Variants in PYGB observed in about 807,000 individuals in gnomAD.
The protein encoded by PYGB is glycogen phosphorylase, brain form.
PYGB carries 82 observed loss-of-function variants against 94.3 expected under a neutral mutation model. The ratio of observed to expected loss-of-function variants is 0.87; its 90% confidence interval spans 0.73 to 1.04. The LOEUF is 1.04. Among genes scored for constraint, PYGB ranks in the 50% least tolerant of loss-of-function variants. PYGB has a pLI of 0.00. For synonymous variants in PYGB, 488 were observed against 479.1 expected, an observed-to-expected ratio of 1.02 and a Z score of -0.24; for missense variants, 1,132 against 1,158.2, an observed-to-expected ratio of 0.98 and a Z score of 0.33.
chr20:25,270,292 C>T (rs553183240), intron 3 of PYGB, among the ~76,000 whole-genome samples: 30 of 150,290 alleles, frequency 2.0e-4, no homozygotes, highest in African/African-American at 7.4e-4. Context: ...AGCTCCGCCT[C>T]CCGGTTTCAC....
At chr20:25,255,795 G>A (rs1170265537) in intron 1 of PYGB, among the ~76,000 whole-genome samples, 4 of 151,550 alleles carry the variant, frequency 2.6e-5, no homozygotes, top group African/African-American at 4.9e-5. Context: ...GTGCAGTGGC[G>A]CGATCTCTAC....
intron 19 of PYGB, among the ~76,000 whole-genome samples, chr20:25,295,876 C>T (rs1196528382): frequency 1.3e-5 from 2 of 152,224 alleles, no homozygotes; most frequent in African/African-American, 4.8e-5. Flanking sequence ...AAAAACAGCT[C>T]CTAATGGCCA....
Position 25,294,233 on chromosome 20 carries a change from T to G in PYGB, c.2253T>G (p.Phe751Leu), listed in dbSNP as rs775612731. The G allele has an allele frequency of 1.9e-6, 3 of 1,610,376 alleles. No individual in the cohort carries two copies. The South Asian group carries it at 3.3e-5, about 18-fold the overall frequency. Residue 751 changes from phenylalanine to leucine, a missense_variant, in exon 18 of 20, where the codon TTT (phenylalanine) becomes TTG (leucine). Physicochemically the swap from Phe to Leu is conservative, Grantham distance 22. Transcript: ENST00000216962. ...QAVDQISSGF[F>L]SPKEPDCFKD... is the part of the protein sequence containing the mutation. ...TGGACCAGATCAGCAGTGGCTTTTT[T>G]TCTCCCAAGGAGCCAGACTGCTTCA... is the stretch of plus-strand genomic sequence containing the variant.
In PYGB at chr20:25,288,447, G is replaced by A. The variant is rs754020773; in HGVS notation, c.1791G>A (p.Lys597=). 6.2e-7 allele frequency: 1 copy of A among 1,614,080 alleles called. No individual in the cohort carries two copies. Residue 597 remains lysine (K), a synonymous_variant, in exon 15 of 20, where the codon AAG becomes AAA. Coordinates refer to ENST00000216962, the MANE Select transcript of PYGB (RefSeq NM_002862.4). The stretch of plus-strand genomic sequence containing the variant: ...CAGGAATCAAGAGAGACCCGGCCAA[G>A]GCTTTTGTGCCCAGGACTGTTATGA... ...LYNRIKRDPA[K]AFVPRTVMIG...
chr20:25,271,360 T>TG, intron 3 of PYGB, 23 bp from the exon 4 acceptor site: 1 of 1,610,434 alleles, frequency 6.2e-7, no homozygotes, highest in Non-Finnish European at 8.5e-7. Flanking sequence ...TGATTCTGAC[T>TG]GATTTGTGAT....
chr20:25,260,706 G>A (rs1343695575), intron 2 of PYGB, among the ~76,000 whole-genome samples: 1 of 152,224 alleles, frequency 6.6e-6, no homozygotes, highest in Non-Finnish European at 1.5e-5. Flanking sequence ...AAGCACAAGG[G>A]ATCAGGGAAT....
At chr20:25,292,694 G>A in intron 17 of PYGB, 81 bp downstream of exon 17, 2 of 1,482,844 alleles carry the variant, frequency 1.3e-6, no homozygotes, top group South Asian at 2.6e-5. Flanking sequence ...TGGCTGGACT[G>A]GGCTCTTGGG....
intron 2 of PYGB, among the ~76,000 whole-genome samples, chr20:25,260,824 A>C (rs538358366): frequency 4.6e-5 from 7 of 152,358 alleles, no homozygotes; most frequent in African/African-American, 1.7e-4. Flanking sequence ...GCACACGAGG[A>C]AATTATATCC....
At chr20:25,292,714 C>A in intron 17 of PYGB, 101 bp downstream of exon 17, 1 of 1,416,188 alleles carries the variant, frequency 7.1e-7, no homozygotes, top group Admixed American at 2.1e-5. Context: ...GGCCAGGCCA[C>A]TGTGTGCTAG....
chr20:25,248,390 C>T lies in PYGB; in HGVS notation c.212C>T (p.Thr71Met), dbSNP rs780011017. 12 of 1,581,614 alleles carry T rather than the reference C, an allele frequency of 7.6e-6. No homozygotes were observed. The highest frequency in any genetic ancestry group is 9.4e-6 in the Non-Finnish European group (11 of 1,165,456). ...RDHLVGRWIRTQQHYYERDPK... is the reference protein window; with the variant it reads ...RDHLVGRWIRMQQHYYERDPK... Reference sequence around the variant, plus strand: ...CACCTCGTGGGCCGCTGGATCCGCACGCAGCAGCACTACTACGAGCGCGAC... The same window carrying T: ...CACCTCGTGGGCCGCTGGATCCGCATGCAGCAGCACTACTACGAGCGCGAC... The change falls in exon 1 of 20, where the codon ACG (threonine) becomes ATG (methionine). Residue 71 changes from threonine (T) to methionine (M), a missense_variant. By Grantham distance (81) the Thr-to-Met change is moderately conservative. Transcript: ENST00000216962.
At position 25,294,230 on chromosome 20, in the gene PYGB, T is replaced by A. The variant is rs139211183; in HGVS notation, c.2250T>A (p.Phe750Leu). 3.7e-5 allele frequency: 60 copies of A among 1,613,688 alleles called. No individual in the cohort carries two copies. The highest frequency in any genetic ancestry group is 4.8e-5 in the Non-Finnish European group (57 of 1,179,930). ...CCGTGGACCAGATCAGCAGTGGCTT[T>A]TTTTCTCCCAAGGAGCCAGACTGCT... is the stretch of plus-strand genomic sequence containing the variant. Reference protein sequence around the residue: ...KQAVDQISSGFFSPKEPDCFK... With the variant: ...KQAVDQISSGLFSPKEPDCFK... The change falls in exon 18 of 20, where the codon TTT becomes TTA. Residue 750 changes from phenylalanine (F) to leucine (L), a missense_variant. By Grantham distance (22) the Phe-to-Leu change is conservative. Transcript: ENST00000216962.
At chr20:25,275,234 G>A (rs536722042) in intron 5 of PYGB, among the ~76,000 whole-genome samples, 57 of 152,362 alleles carry the variant, frequency 3.7e-4, no homozygotes, top group African/African-American at 1.2e-3. Context: ...GGTGACATCC[G>A]GGGATGGGGC....
chr20:25,283,992 C>G (rs1360121763), intron 13 of PYGB, 112 bp from the exon 14 acceptor site: 8 of 1,333,340 alleles, frequency 6.0e-6, no homozygotes, highest in Non-Finnish European at 5.2e-6. Flanking sequence ...CCTGTATACC[C>G]CTGCCCCCTC....
In PYGB at chr20:25,248,105, G is replaced by C. The variant is rs2092875554; in HGVS notation, c.-74G>C. 6.9e-7 allele frequency: 1 copy of C among 1,441,532 alleles called. No individual in the cohort carries two copies. The highest frequency in any genetic ancestry group is 2.9e-5 in the East Asian group (1 of 34,850). The allele number at this position is 1,441,532 out of a possible 1,614,324, so 89.3% of individuals were successfully genotyped here. On this transcript the variant is annotated 5_prime_UTR_variant, in exon 1 of 20. Coordinates refer to ENST00000216962, the MANE Select transcript of PYGB (RefSeq NM_002862.4). ...GCGCCAGAGCAGCGGCGCCAGAGCA[G>C]CTGCACCATCCCGGCGTTCGCGTGT...
In PYGB at chr20:25,281,660, G is replaced by A. The variant is rs540844239; in HGVS notation, c.1404-373G>A. Among the ~76,000 whole-genome samples the A allele has an allele frequency of 2.0e-4, 30 of 152,220 alleles. No individual in the cohort carries two copies. The East Asian group carries it at 4.1e-3, about 21-fold the overall frequency. On this transcript the variant is annotated intron_variant, in intron 11 of 19. Coordinates refer to ENST00000216962, the MANE Select transcript of PYGB (RefSeq NM_002862.4). Reference sequence around the variant, plus strand: ...TGGCGCCCGCAGCAAGCTTCGTGTCGGGCCCCTCCCCAGTAGCTATGAGGA... The same window carrying A: ...TGGCGCCCGCAGCAAGCTTCGTGTCAGGCCCCTCCCCAGTAGCTATGAGGA...
At chr20:25,272,395 A>G (rs953369645) in intron 4 of PYGB, among the ~76,000 whole-genome samples, 1 of 152,170 alleles carries the variant, frequency 6.6e-6, no homozygotes, top group South Asian at 2.1e-4. Flanking sequence ...AGACTCATGT[A>G]TCTCACCATG....
chr20:25,251,479 A>G (rs943417367), intron 1 of PYGB, among the ~76,000 whole-genome samples: 3 of 152,246 alleles, frequency 2.0e-5, no homozygotes, highest in African/African-American at 7.2e-5. Flanking sequence ...TTGAATTGAC[A>G]TTCCATCTCT....
intron 8 of PYGB, 43 bp downstream of exon 8, chr20:25,278,505 G>C (rs200231614): frequency 6.2e-7 from 1 of 1,607,238 alleles, no homozygotes; most frequent in East Asian, 2.2e-5. Context: ...CAGGGGCTGG[G>C]CGCCTTCAGG....
rs73343090 is a variant in PYGB, at chr20:25,295,907, G to A, written c.2379+237G>A. The stretch of plus-strand genomic sequence containing the variant: ...GGCCAAGAAAGGAATGTGCGGCCTG[G>A]AAACTGAGTGACGGGCAGGGCCCTG... On this transcript the variant is annotated intron_variant, in intron 19 of 19. Coordinates refer to ENST00000216962, the MANE Select transcript of PYGB (RefSeq NM_002862.4). Among the ~76,000 whole-genome samples, 1,004 of 152,348 alleles carry A rather than the reference G, an allele frequency of 6.6e-3. 15 individuals are homozygous for A. The highest frequency in any genetic ancestry group is 0.023 in the African/African-American group (962 of 41,572).
Sources: allele counts gnomAD v4.1 joint callset (sites outside exome capture counted in the v4.1 genomes callset), GRCh38; gene constraint gnomAD v4.1.1; transcripts MANE v1.5; gene names NCBI Gene and HGNC (gene_info 2026-07-23, HGNC 2026-07-21).